PDE7A: variants seen among roughly 807,000 people sequenced by gnomAD.
The protein encoded by PDE7A is high affinity 3',5'-cyclic-AMP phosphodiesterase 7A.
In PDE7A, 39 loss-of-function variants were observed where a neutral mutation model predicts 64.3. The ratio of observed to expected loss-of-function variants is 0.61; its 90% confidence interval spans 0.47 to 0.79. PDE7A has a LOEUF of 0.79. Ranked by LOEUF, PDE7A falls within the 30% of genes least tolerant of loss-of-function variation. The pLI, the probability that PDE7A is intolerant of heterozygous loss-of-function variation, is 0.00. For missense variants in PDE7A, 470 were observed against 582.8 expected, an observed-to-expected ratio of 0.81 and a Z score of 1.99; for synonymous variants, 203 against 206.8, an observed-to-expected ratio of 0.98 and a Z score of 0.16.
At chr8:65,809,904 GTAAATTAGTTCAACCAT>G (rs917130225) in intron 1 of PDE7A, among the ~76,000 whole-genome samples, 14 of 152,312 alleles carry the variant, frequency 9.2e-5, no homozygotes, top group African/African-American at 3.4e-4. Context: ...TGGTGGGAGT[GTAAATTAGTTCAACCAT>G]TGTGGAAGAC....
rs1049746251 is a variant in PDE7A at position 65,739,491 on chromosome 8, G to A, written c.595+11C>T. The A allele has an allele frequency of 3.1e-5, 48 of 1,545,714 alleles. No homozygotes were observed. Among genetic ancestry groups the A allele is most frequent in the Non-Finnish European group, 4.1e-5 (47 of 1,154,228 alleles). On this transcript the variant is annotated intron_variant, in intron 6 of 12. Transcript: ENST00000401827. ...AAATCTTGTTACTGTTAATGGGTTA[G>A]AATCACTTACCTAAAAATCTACGAA...
At chr8:65,780,200 C>T (rs1809375285) in intron 2 of PDE7A, among the ~76,000 whole-genome samples, 1 of 151,802 alleles carries the variant, frequency 6.6e-6, no homozygotes, top group African/African-American at 2.4e-5. Flanking sequence ...CAGCACAAAA[C>T]TTTAGAAAGC....
intron 1 of PDE7A, among the ~76,000 whole-genome samples, chr8:65,793,066 A>C (rs941891952): frequency 6.6e-6 from 1 of 152,214 alleles, no homozygotes; most frequent in Non-Finnish European, 1.5e-5. Flanking sequence ...TCACCTTATG[A>C]TACTAAAAGC....
At position 65,727,114 on chromosome 8, in the gene PDE7A, TGAAA is replaced by T. The variant is rs1563471855; in HGVS notation, c.828+52_828+55del. On this transcript the variant is annotated intron_variant, in intron 8 of 12. Coordinates refer to ENST00000401827, the MANE Select transcript of PDE7A (RefSeq NM_001242318.3). ...TCATTACTTTCATTTCTTCAAAATATGAAAGATTTTCTAGAATGCAAAAATAATA... is the reference window on the plus strand; with the variant it reads ...TCATTACTTTCATTTCTTCAAAATATGATTTTCTAGAATGCAAAAATAATA... The T allele has an allele frequency of 5.1e-6, 6 of 1,172,012 alleles. No homozygotes were observed. In the Admixed American group the frequency reaches 5.9e-5, roughly 12 times the overall value. The allele number at this position is 1,172,012 out of a possible 1,614,324, so 72.6% of individuals were successfully genotyped here.
At chr8:65,809,982 C>T (rs117943265) in intron 1 of PDE7A, among the ~76,000 whole-genome samples, 8,687 of 152,126 alleles carry the variant, frequency 0.057, 355 homozygotes, top group Middle Eastern at 0.11. Flanking sequence ...TTTGACCCAG[C>T]GATATCATTA....
At position 65,719,377 on chromosome 8, in the gene PDE7A, C is replaced by T; in HGVS notation, c.1362G>A (p.Leu454=). 4.3e-6 allele frequency: 7 copies of T among 1,614,050 alleles called. No individual in the cohort carries two copies. The highest frequency in any genetic ancestry group is 5.9e-6 in the Non-Finnish European group (7 of 1,179,882). Residue 454 remains leucine, a synonymous_variant, in exon 13 of 13, where the codon CTG becomes CTA. Coordinates refer to ENST00000401827, the MANE Select transcript of PDE7A (RefSeq NM_001242318.3). ...VGLNKASWKG[L]QREQSSSEDT... is the part of the protein sequence containing the mutation. ...CCTCACTGCTCGACTGTTCTCTCTGCAGTCCCTTCCAGCTGGCTTTATTCA... is the reference window on the plus strand; with the variant it reads ...CCTCACTGCTCGACTGTTCTCTCTGTAGTCCCTTCCAGCTGGCTTTATTCA...
At chr8:65,737,559 C>G (rs912820002) in intron 6 of PDE7A, among the ~76,000 whole-genome samples, 2 of 152,138 alleles carry the variant, frequency 1.3e-5, no homozygotes, top group Non-Finnish European at 2.9e-5. Flanking sequence ...GGCTGGAGTA[C>G]AGTGGCGCGA....
Position 65,822,568 on chromosome 8 carries a change from C to T in PDE7A, c.138+18803G>A, listed in dbSNP as rs1810568351. 3.9e-5 allele frequency among the ~76,000 whole-genome samples: 6 copies of T among 152,202 alleles called. No homozygotes were observed. The South Asian group carries it at 1.2e-3, about 32-fold the overall frequency. ...ATAAACAGTATCCACTCTTAAGAAG[C>T]ACATATTCTAACCAAACATACTGAA... is the stretch of plus-strand genomic sequence containing the variant. On this transcript the variant is annotated intron_variant, in intron 1 of 12. Coordinates refer to ENST00000401827, the MANE Select transcript of PDE7A (RefSeq NM_001242318.3).
chr8:65,828,078 T>C (rs1810723298), intron 1 of PDE7A, among the ~76,000 whole-genome samples: 1 of 152,082 alleles, frequency 6.6e-6, no homozygotes, highest in Non-Finnish European at 1.5e-5. Flanking sequence ...CTAACAGACA[T>C]GTTACTTTTT....
At chr8:65,798,232 C>T (rs1167150982) in intron 1 of PDE7A, among the ~76,000 whole-genome samples, 34 of 124,926 alleles carry the variant, frequency 2.7e-4, no homozygotes, top group African/African-American at 1.1e-3. Context: ...GATGGAGTCT[C>T]GCTCTGTCAC....
chr8:65,770,119 TTCTGTGTGTGTGTGTGTGTG>T lies in PDE7A; in HGVS notation c.283+9581_283+9600del, dbSNP rs541118093. Among the ~76,000 whole-genome samples, 1,206 of 120,622 alleles carry T rather than the reference TTCTGTGTGTGTGTGTGTGTG, an allele frequency of 1.0e-2. 10 individuals are homozygous for T. The highest frequency in any genetic ancestry group is 0.041 in the African/African-American group (1,159 of 28,424). The allele number at this position is 120,622 out of a possible 152,430, so 79.1% of individuals were successfully genotyped here. A position where few individuals can be genotyped will look rare whatever the true frequency, so the allele number is the denominator to read the frequency against. ...ATTTGTCTTATTACTTGCAGTATAC[TTCTGTGTGTGTGTGTGTGTG>T]TGTGTGTGTGTGTGTGTGTGTGTGC... is the stretch of plus-strand genomic sequence containing the variant. On this transcript the variant is annotated intron_variant, in intron 3 of 12. Coordinates refer to ENST00000401827, the MANE Select transcript of PDE7A (RefSeq NM_001242318.3).
intron 3 of PDE7A, among the ~76,000 whole-genome samples, chr8:65,771,616 A>G (rs1300537949): frequency 4.6e-5 from 7 of 152,160 alleles, no homozygotes; most frequent in Admixed American, 3.3e-4. Context: ...TGGCTCACGC[A>G]TGTAATCCCA....
chr8:65,782,208 G>A (rs1414504972), intron 2 of PDE7A, among the ~76,000 whole-genome samples: 1 of 152,296 alleles, frequency 6.6e-6, no homozygotes, highest in East Asian at 1.9e-4. Context: ...ATGAGTTAAA[G>A]TGCAAGGATG....
intron 9 of PDE7A, among the ~76,000 whole-genome samples, chr8:65,726,570 T>C (rs1264418003): frequency 6.6e-6 from 1 of 152,178 alleles, no homozygotes; most frequent in Non-Finnish European, 1.5e-5. Flanking sequence ...AGTATGGAAA[T>C]GTGTAATATC....
intron 1 of PDE7A, among the ~76,000 whole-genome samples, chr8:65,798,195 TATATATATATA>T (rs1436245895): frequency 1.2e-4 from 3 of 25,496 alleles, no homozygotes; most frequent in African/African-American, 2.1e-4. Flanking sequence ...TATATATATA[TATATATATATA>T]TTTTTTTTTT....
intron 1 of PDE7A, chr8:65,789,109 G>T: frequency 7.5e-7 from 1 of 1,330,866 alleles, no homozygotes. Context: ...GACTCCTCTG[G>T]GAATGCACTA....
chr8:65,730,764 C>A (rs945346648), intron 7 of PDE7A, among the ~76,000 whole-genome samples: 6 of 152,010 alleles, frequency 3.9e-5, no homozygotes, highest in Non-Finnish European at 8.8e-5. Context: ...CCCATCTCTA[C>A]TAAAAACACA....
At chr8:65,759,367 T>C (rs531619586) in intron 3 of PDE7A, among the ~76,000 whole-genome samples, 1 of 152,312 alleles carries the variant, frequency 6.6e-6, no homozygotes, top group East Asian at 1.9e-4. Context: ...AACATCTGCA[T>C]CAGTCCCTCA....
At chr8:65,824,050 T>C (rs939906510) in intron 1 of PDE7A, among the ~76,000 whole-genome samples, 1 of 152,232 alleles carries the variant, frequency 6.6e-6, no homozygotes, top group Non-Finnish European at 1.5e-5. Context: ...CTTGCTTTAT[T>C]GTGCTTTTCA....
Sources: allele counts gnomAD v4.1 joint callset (sites outside exome capture counted in the v4.1 genomes callset), GRCh38; gene constraint gnomAD v4.1.1; transcripts MANE v1.5; gene names NCBI Gene and HGNC (gene_info 2026-07-23, HGNC 2026-07-21).